Variants in ANKRD11 observed in about 807,000 individuals in gnomAD.
The protein encoded by ANKRD11 is ankyrin repeat domain 11, also known as ankyrin repeat domain-containing protein 11.
ANKRD11 carries 17 observed loss-of-function variants against 195.7 expected under a neutral mutation model. That is an observed-to-expected ratio of 0.09 (90% confidence interval 0.06 to 0.13). ANKRD11 has a LOEUF of 0.13. Ranked by LOEUF, ANKRD11 falls within the 10% of genes least tolerant of loss-of-function variation. The pLI is 1.00. For synonymous variants in ANKRD11, 1,953 were observed against 1,528.1 expected, an observed-to-expected ratio of 1.28 and a Z score of -6.49; for missense variants, 3,735 against 3,566.1, an observed-to-expected ratio of 1.05 and a Z score of -1.21.
intron 1 of ANKRD11, among the ~76,000 whole-genome samples, chr16:89,488,788 T>G (rs1401317843): frequency 6.6e-6 from 1 of 152,194 alleles, no homozygotes; most frequent in Non-Finnish European, 1.5e-5. Context: ...TCATTTCAAG[T>G]GTTAAGGATA....
chr16:89,285,277 G>T lies in ANKRD11; in HGVS notation c.1265C>A (p.Thr422Lys), dbSNP rs1233558713. 2 of 1,613,742 alleles carry T rather than the reference G, an allele frequency of 1.2e-6. No individual in the cohort carries two copies. The highest frequency in any genetic ancestry group is 2.2e-5 in the East Asian group (1 of 44,874). Residue 422 changes from threonine (T) to lysine (K), a missense_variant, in exon 9 of 13, where the codon ACA becomes AAA. Coordinates refer to ENST00000301030, the MANE Select transcript of ANKRD11 (RefSeq NM_013275.6). This position sits in a 1 kb window ranked among gnomAD's most constrained non-coding sequence, Gnocchi z 5.6. ...DEEDASVTVG[T>K]GEKLRLSAHT... The stretch of plus-strand genomic sequence containing the variant: ...TGCCGAGAGTCTCAGCTTCTCTCCT[G>T]TCCCCACGGTGACACTCGCGTCCTC...
At chr16:89,345,443 C>T (rs1040435077) in intron 2 of ANKRD11, among the ~76,000 whole-genome samples, 3 of 152,204 alleles carry the variant, frequency 2.0e-5, no homozygotes, top group African/African-American at 2.4e-5. Context: ...CCCGTCCATT[C>T]CTCTGTCCCT....
rs770387752 is a variant in ANKRD11 at position 89,280,324 on chromosome 16, G to T, written c.6218C>A (p.Pro2073Gln). 3 of 1,585,538 alleles carry T rather than the reference G, an allele frequency of 1.9e-6. No homozygotes were observed. In the African/African-American group the frequency reaches 4.1e-5, roughly 21 times the overall value. Residue 2073 changes from proline (P) to glutamine (Q), a missense_variant, in exon 9 of 13, where the codon CCG (proline) becomes CAG (glutamine). Pro to Gln is a moderately conservative substitution (Grantham distance 76). Coordinates refer to ENST00000301030, the MANE Select transcript of ANKRD11 (RefSeq NM_013275.6). ...ESFFSNCKSL[P>Q]EAPLDVAPEP... Reference sequence around the variant, plus strand: ...GGGGGCCACGTCCAGCGGGGCTTCCGGAAGTGACTTGCAGTTGCTGAAGAA... The same window carrying T: ...GGGGGCCACGTCCAGCGGGGCTTCCTGAAGTGACTTGCAGTTGCTGAAGAA...
At chr16:89,476,829 G>A (rs150938597) in intron 1 of ANKRD11, among the ~76,000 whole-genome samples, 55 of 115,518 alleles carry the variant, frequency 4.8e-4, no homozygotes, top group African/African-American at 1.5e-3. Context: ...GAGCTGGGGT[G>A]GAGAGGTGTG....
chr16:89,326,557 G>A (rs1315081958), intron 2 of ANKRD11, among the ~76,000 whole-genome samples: 1 of 152,108 alleles, frequency 6.6e-6, no homozygotes, highest in Non-Finnish European at 1.5e-5. Context: ...CCCGGGCAAT[G>A]TAGGGAAACC....
chr16:89,433,731 G>C (rs567441305), intron 1 of ANKRD11, among the ~76,000 whole-genome samples: 2 of 150,670 alleles, frequency 1.3e-5, no homozygotes, highest in Admixed American at 6.6e-5. Flanking sequence ...AAGAGAGAAG[G>C]AACGGGCTTG....
chr16:89,468,508 T>C (rs551322799), intron 1 of ANKRD11, among the ~76,000 whole-genome samples: 1 of 152,252 alleles, frequency 6.6e-6, no homozygotes, highest in East Asian at 1.9e-4. Flanking sequence ...AGTTTAAGAC[T>C]GGCCTGGCCA....
rs756097645 is a variant in ANKRD11, at chr16:89,284,086, T to C, written c.2456A>G (p.Asn819Ser). The C allele has an allele frequency of 6.2e-7, 1 of 1,614,086 alleles. No individual in the cohort carries two copies. The highest frequency in any genetic ancestry group is 8.5e-7 in the Non-Finnish European group (1 of 1,179,954). ...TTCATTCTCCAGAAACTGATTTTTG[T>C]TACAATATTCGTCAAAAGCAGAATC... Reference protein sequence around the residue: ...REDSAFDEYCNKNQFLENEDT... With the variant: ...REDSAFDEYCSKNQFLENEDT... Residue 819 changes from asparagine to serine, a missense_variant, in exon 9 of 13, where the codon AAC (asparagine) becomes AGC (serine). Coordinates refer to ENST00000301030, the MANE Select transcript of ANKRD11 (RefSeq NM_013275.6).
intron 1 of ANKRD11, among the ~76,000 whole-genome samples, chr16:89,487,666 C>T (rs932909380): frequency 2.0e-5 from 3 of 151,876 alleles, no homozygotes; most frequent in African/African-American, 7.3e-5. Context: ...CCCAGCTACT[C>T]GGGAGGCTGA....
At chr16:89,344,635 G>A (rs1178267528) in intron 2 of ANKRD11, among the ~76,000 whole-genome samples, 1 of 152,244 alleles carries the variant, frequency 6.6e-6, no homozygotes, top group Non-Finnish European at 1.5e-5. Flanking sequence ...GAGGGGCCCA[G>A]GAAGAAAGAG....
At chr16:89,309,349 C>G (rs2036482082) in intron 3 of ANKRD11, among the ~76,000 whole-genome samples, 1 of 152,206 alleles carries the variant, frequency 6.6e-6, no homozygotes, top group Non-Finnish European at 1.5e-5. Flanking sequence ...CCAGTGGAGA[C>G]AGAAGTCAGG....
intron 2 of ANKRD11, among the ~76,000 whole-genome samples, chr16:89,355,564 G>A (rs1007541915): frequency 5.9e-5 from 9 of 152,092 alleles, no homozygotes; most frequent in Non-Finnish European, 1.2e-4. Flanking sequence ...CAGCAGGGAC[G>A]GCCCCAGACA....
At chr16:89,400,957 C>T (rs1464809197) in intron 2 of ANKRD11, among the ~76,000 whole-genome samples, 1 of 152,214 alleles carries the variant, frequency 6.6e-6, no homozygotes, top group Non-Finnish European at 1.5e-5. Context: ...AGACACATCC[C>T]CCGTCTGCCC....
chr16:89,280,253 G>T lies in ANKRD11; in HGVS notation c.6289C>A (p.Pro2097Thr). 1 of 1,608,448 alleles carries T rather than the reference G, an allele frequency of 6.2e-7. No individual in the cohort carries two copies. ...AAVAQVEALG[P>T]LENSFLDGSR... Reference sequence around the variant, plus strand: ...CCGTCCAGGAAGCTATTTTCCAGGGGCCCCAGAGCCTCCACCTGAGCCACA... The same window carrying T: ...CCGTCCAGGAAGCTATTTTCCAGGGTCCCCAGAGCCTCCACCTGAGCCACA... The change falls in exon 9 of 13, where the codon CCC becomes ACC. Residue 2097 changes from proline to threonine, a missense_variant. Physicochemically the swap from Pro to Thr is conservative, Grantham distance 38 (BLOSUM62 -1). Coordinates refer to ENST00000301030, the MANE Select transcript of ANKRD11 (RefSeq NM_013275.6).
At chr16:89,475,276 C>T (rs1378952536) in intron 1 of ANKRD11, among the ~76,000 whole-genome samples, 1 of 152,170 alleles carries the variant, frequency 6.6e-6, no homozygotes, top group Non-Finnish European at 1.5e-5. Context: ...TCCAATCATT[C>T]TGATGATGCA....
chr16:89,273,722 T>C (rs2033389342), intron 11 of ANKRD11, among the ~76,000 whole-genome samples: 1 of 151,896 alleles, frequency 6.6e-6, no homozygotes, highest in African/African-American at 2.4e-5. Context: ...ATAAAATTTG[T>C]CATTGTGTAT....
chr16:89,285,566 C>G lies in ANKRD11; in HGVS notation c.976G>C (p.Gly326Arg), dbSNP rs1170938967. The G allele has an allele frequency of 6.2e-7, 1 of 1,614,076 alleles. No homozygotes were observed. The highest frequency in any genetic ancestry group is 2.2e-5 in the East Asian group (1 of 44,886). ...GNNTDSEFEK[G>R]LKHKAKNPEP... ...GGGTTCTTGGCCTTGTGCTTGAGGC[C>G]TTTTTCGAACTCGGAGTCCGTGTTG... The change falls in exon 9 of 13, where the codon GGC (glycine) becomes CGC (arginine). Residue 326 changes from glycine (G) to arginine (R), a missense_variant. Coordinates refer to ENST00000301030, the MANE Select transcript of ANKRD11 (RefSeq NM_013275.6). The surrounding 1 kb of genome is among the most constrained non-coding windows in gnomAD (Gnocchi z 5.6).
intron 1 of ANKRD11, among the ~76,000 whole-genome samples, chr16:89,470,856 G>A (rs576969502): frequency 5.3e-5 from 8 of 152,260 alleles, no homozygotes; most frequent in Admixed American, 4.6e-4. Flanking sequence ...AGCTGGGCAC[G>A]GTGGCGGACA....
intron 1 of ANKRD11, among the ~76,000 whole-genome samples, chr16:89,487,502 G>A (rs940238323): frequency 1.1e-4 from 17 of 152,270 alleles, no homozygotes; most frequent in South Asian, 2.1e-4. Flanking sequence ...GAGGCCGGGC[G>A]CGGTGGCTCA....
Sources: allele counts gnomAD v4.1 joint callset (sites outside exome capture counted in the v4.1 genomes callset), GRCh38; gene constraint gnomAD v4.1.1; non-coding constraint Gnocchi (gnomAD v3.1); transcripts MANE v1.5; gene names NCBI Gene and HGNC (gene_info 2026-07-23, HGNC 2026-07-21).